Variants in ADAM18 observed in about 807,000 individuals in gnomAD.
The protein encoded by ADAM18 is disintegrin and metalloproteinase domain-containing protein 18.
In ADAM18, 117 loss-of-function variants were observed where a neutral mutation model predicts 94.4. The ratio of observed to expected loss-of-function variants is 1.24; its 90% CI spans 1.07 to 1.45. The LOEUF (loss-of-function observed/expected upper bound fraction) is 1.45, where lower values mean the gene tolerates loss of function less well. ADAM18 is among the 40% of genes most tolerant of loss of function. The pLI is 0.00. For missense variants in ADAM18, 936 were observed against 880.0 expected (o/e 1.06, Z -0.81); for synonymous variants, 327 against 291.6 (o/e 1.12, Z -1.24).
chr8:39,724,478 T>A (rs988489499), intron 19 of ADAM18, among the ~76,000 whole-genome samples: 6 of 151,948 alleles, frequency 3.9e-5, no homozygotes, highest in African/African-American at 1.4e-4. Context: ...CGGTTAAAGG[T>A]TTGTTAATTT....
chr8:39,593,801 C>T (rs553987493), intron 2 of ADAM18, among the ~76,000 whole-genome samples: 1 of 152,228 alleles, frequency 6.6e-6, no homozygotes, highest in East Asian at 1.9e-4. Flanking sequence ...AATATCTTTG[C>T]ATTATTTGAT....
At chr8:39,681,888 A>G (rs1821471673) in intron 16 of ADAM18, among the ~76,000 whole-genome samples, 1 of 152,214 alleles carries the variant, frequency 6.6e-6, no homozygotes, top group Non-Finnish European at 1.5e-5. Context: ...GACCCCTTCT[A>G]GCAGCTTATA....
intron 3 of ADAM18, among the ~76,000 whole-genome samples, 196 bp downstream of exon 3, chr8:39,606,558 C>T (rs1001466088): frequency 6.6e-6 from 1 of 152,080 alleles, no homozygotes; most frequent in East Asian, 1.9e-4. Flanking sequence ...TTAATTTTCG[C>T]TTGATATTTT....
chr8:39,657,714 C>A (rs1338852873), intron 12 of ADAM18, among the ~76,000 whole-genome samples: 1 of 152,010 alleles, frequency 6.6e-6, no homozygotes, highest in African/African-American at 2.4e-5. Flanking sequence ...GTGTATTCAA[C>A]ATATAACTTT....
chr8:39,590,416 C>T (rs955358910), intron 2 of ADAM18, among the ~76,000 whole-genome samples: 1 of 152,116 alleles, frequency 6.6e-6, no homozygotes, highest in Non-Finnish European at 1.5e-5. Context: ...AGGGCAACAT[C>T]ACACTCTGGG....
At chr8:39,606,696 C>T (rs980840372) in intron 3 of ADAM18, among the ~76,000 whole-genome samples, 2 of 151,980 alleles carry the variant, frequency 1.3e-5, no homozygotes, top group Non-Finnish European at 2.9e-5. Context: ...CACTGGTGTC[C>T]GTGTGAAGAG....
chr8:39,629,607 T>C (rs1255160832), intron 7 of ADAM18, among the ~76,000 whole-genome samples, 168 bp downstream of exon 7: 1 of 150,320 alleles, frequency 6.7e-6, no homozygotes. Context: ...CCCTCCCCTC[T>C]GTCTTCCCTT....
At chr8:39,652,435 T>C (rs1820563384) in intron 12 of ADAM18, among the ~76,000 whole-genome samples, 6 of 152,164 alleles carry the variant, frequency 3.9e-5, no homozygotes, top group Admixed American at 3.9e-4. Context: ...AACAGGTATA[T>C]GAAAATATGC....
At chr8:39,642,292 T>C (rs1820258642) in intron 10 of ADAM18, among the ~76,000 whole-genome samples, 1 of 152,128 alleles carries the variant, frequency 6.6e-6, no homozygotes, top group African/African-American at 2.4e-5. Context: ...TTTTTGGTTT[T>C]GTTGCAATTG....
chr8:39,586,985 A>C (rs1818422449), intron 2 of ADAM18, among the ~76,000 whole-genome samples: 1 of 152,098 alleles, frequency 6.6e-6, no homozygotes, highest in Admixed American at 6.5e-5. Flanking sequence ...CGTTGTCTAC[A>C]CTTTTGGTAT....
At chr8:39,611,463 T>A (rs1433069026) in intron 6 of ADAM18, 10 of 985,038 alleles carry the variant, frequency 1.0e-5, no homozygotes, top group Non-Finnish European at 1.2e-5. Flanking sequence ...CAACTATCTG[T>A]ATGGTTCCTA....
intron 17 of ADAM18, among the ~76,000 whole-genome samples, chr8:39,696,436 G>T (rs1821929911): frequency 6.6e-6 from 1 of 151,272 alleles, no homozygotes; most frequent in Non-Finnish European, 1.5e-5. Flanking sequence ...TAATATTAAA[G>T]AAATCATCAA....
chr8:39,680,209 A>G lies in ADAM18; in HGVS notation c.1804A>G (p.Met602Val), dbSNP rs763188919. ...TDNAYVADGT[M>V]CGPEMYCVNK... ...CAATGCCTATGTGGCTGATGGCACC[A>G]TGTGTGGTCCAGAAATGGTAACAAA... Residue 602 changes from methionine to valine, a missense_variant, in exon 16 of 20, where the codon ATG becomes GTG. Transcript: ENST00000265707. 8.1e-6 allele frequency: 13 copies of G among 1,612,542 alleles called. No individual in the cohort carries two copies. In the South Asian group the frequency reaches 1.3e-4, roughly 16 times the overall value.
At chr8:39,597,627 T>G (rs1363542914) in intron 2 of ADAM18, among the ~76,000 whole-genome samples, 1 of 152,204 alleles carries the variant, frequency 6.6e-6, no homozygotes, top group East Asian at 1.9e-4. Context: ...TTCTGTTCCA[T>G]TATTCTATTT....
At chr8:39,712,382 C>T (rs1563317316) in intron 18 of ADAM18, among the ~76,000 whole-genome samples, 1 of 152,088 alleles carries the variant, frequency 6.6e-6, no homozygotes, top group Non-Finnish European at 1.5e-5. Context: ...AAAACTGGCA[C>T]AAGATAAGGA....
At chr8:39,679,708 A>T (rs1293101695) in intron 15 of ADAM18, among the ~76,000 whole-genome samples, 1 of 152,190 alleles carries the variant, frequency 6.6e-6, no homozygotes, top group Non-Finnish European at 1.5e-5. Flanking sequence ...CAGGCTGGCC[A>T]AGCTATATCA....
intron 4 of ADAM18, 39 bp from the exon 5 acceptor site, chr8:39,609,446 A>T: frequency 6.9e-7 from 1 of 1,446,364 alleles, no homozygotes; most frequent in East Asian, 2.3e-5. Context: ...TTTTATTCAC[A>T]ACGAATTTAT....
chr8:39,694,085 G>A (rs112021466), intron 17 of ADAM18, among the ~76,000 whole-genome samples: 7 of 151,352 alleles, frequency 4.6e-5, no homozygotes, highest in African/African-American at 1.7e-4. Flanking sequence ...CTAAGCATCA[G>A]TATAAAGAAG....
At chr8:39,672,243 T>G (rs1361129624) in intron 14 of ADAM18, among the ~76,000 whole-genome samples, 1 of 152,134 alleles carries the variant, frequency 6.6e-6, no homozygotes, top group East Asian at 1.9e-4. Context: ...AGGAATGTGC[T>G]AGAGAAAGGG....
Sources: gnomAD v4.1 joint callset for allele counts (sites outside exome capture counted in the v4.1 genomes callset) on GRCh38, gnomAD v4.1.1 for gene constraint, MANE v1.5 for transcripts, NCBI Gene and HGNC (gene_info 2026-07-23, HGNC 2026-07-21) for gene names.